Variants in NUBPL observed in about 807,000 individuals in gnomAD.
The protein encoded by NUBPL is NUBP iron-sulfur cluster assembly factor, mitochondrial.
Under a neutral mutation model 45.7 loss-of-function variants are expected in NUBPL, and 31 were observed. That is an observed-to-expected ratio of 0.68 (90% confidence interval 0.51 to 0.92). The LOEUF is 0.92. NUBPL is among the 40% of genes least tolerant of loss of function. The probability of loss-of-function intolerance (pLI) is 0.00; values close to 1 mark genes in which losing one functional copy is unlikely to be tolerated. For synonymous variants in NUBPL, 144 were observed against 140.9 expected (o/e 1.02, Z -0.15); for missense variants, 401 against 398.7 (o/e 1.01, Z -0.05).
chr14:31,687,129 G>T lies in NUBPL; in HGVS notation c.513+13555G>T, dbSNP rs183309458. Among the ~76,000 whole-genome samples the T allele has an allele frequency of 1.3e-4, 20 of 152,136 alleles. No homozygotes were observed. In the East Asian group the frequency reaches 3.9e-3, roughly 29 times the overall value. On this transcript the variant is annotated intron_variant, in intron 6 of 10. Transcript: ENST00000281081. ...CCCTGTTTCAAAAAAAAAATTCATT[G>T]TGTATCTCATATTCAGGCATAAATG... is the stretch of plus-strand genomic sequence containing the variant.
chr14:31,758,212 CA>C (rs1368633835), intron 6 of NUBPL, among the ~76,000 whole-genome samples: 1 of 152,122 alleles, frequency 6.6e-6, no homozygotes, highest in African/African-American at 2.4e-5. Context: ...TGCAGTACTT[CA>C]AACAAGTACT....
chr14:31,798,681 A>G (rs916679505), intron 7 of NUBPL, among the ~76,000 whole-genome samples: 41 of 147,668 alleles, frequency 2.8e-4, no homozygotes, highest in Middle Eastern at 3.6e-3. Flanking sequence ...AGTCCTGGCT[A>G]CTCGGGAGGC....
chr14:31,760,664 AG>A (rs1395098977), intron 6 of NUBPL, among the ~76,000 whole-genome samples: 2 of 151,968 alleles, frequency 1.3e-5, no homozygotes, highest in Non-Finnish European at 2.9e-5. Context: ...TCCCTTTTTC[AG>A]GCTGATTAGT....
At chr14:31,601,097 T>C (rs2034420579) in intron 4 of NUBPL, among the ~76,000 whole-genome samples, 1 of 152,248 alleles carries the variant, frequency 6.6e-6, no homozygotes, top group Non-Finnish European at 1.5e-5. Flanking sequence ...GGCTCTGTTC[T>C]GTTCCATTGA....
At chr14:31,668,540 C>T (rs181856178) in intron 4 of NUBPL, among the ~76,000 whole-genome samples, 1 of 152,286 alleles carries the variant, frequency 6.6e-6, no homozygotes, top group Non-Finnish European at 1.5e-5. Flanking sequence ...TCCCTGGGTT[C>T]AGCCCCTTTT....
chr14:31,746,689 G>A (rs2038406042), intron 6 of NUBPL, among the ~76,000 whole-genome samples: 1 of 151,910 alleles, frequency 6.6e-6, no homozygotes, highest in Non-Finnish European at 1.5e-5. Flanking sequence ...GAGTAGTGCT[G>A]ATACCAGACT....
chr14:31,598,676 G>T (rs2034346547), intron 3 of NUBPL, among the ~76,000 whole-genome samples: 1 of 152,194 alleles, frequency 6.6e-6, no homozygotes, highest in Non-Finnish European at 1.5e-5. Flanking sequence ...AGTTGTTTCT[G>T]AATCCTCTAG....
chr14:31,644,065 C>G (rs547279512), intron 4 of NUBPL, among the ~76,000 whole-genome samples: 5 of 151,640 alleles, frequency 3.3e-5, no homozygotes, highest in African/African-American at 1.2e-4. Context: ...AAAGATTTGT[C>G]AATTTTGCTT....
chr14:31,760,294 C>T (rs958769303), intron 6 of NUBPL, among the ~76,000 whole-genome samples: 1 of 151,814 alleles, frequency 6.6e-6, no homozygotes, highest in Non-Finnish European at 1.5e-5. Context: ...GCTGGGGCTA[C>T]AGGTGTGTAC....
At chr14:31,810,036 A>G (rs143777719) in intron 7 of NUBPL, among the ~76,000 whole-genome samples, 1 of 152,286 alleles carries the variant, frequency 6.6e-6, no homozygotes, top group African/African-American at 2.4e-5. Context: ...TTTACTTCCA[A>G]CTATGTGGTC....
At chr14:31,619,132 G>A (rs1335472690) in intron 4 of NUBPL, among the ~76,000 whole-genome samples, 1 of 152,036 alleles carries the variant, frequency 6.6e-6, no homozygotes, top group Non-Finnish European at 1.5e-5. Flanking sequence ...CTTTCCATTT[G>A]CTTGGTAAAT....
At chr14:31,708,451 T>G (rs1335307340) in intron 6 of NUBPL, among the ~76,000 whole-genome samples, 1 of 152,194 alleles carries the variant, frequency 6.6e-6, no homozygotes, top group Non-Finnish European at 1.5e-5. Flanking sequence ...TTCCCCATAT[T>G]CATGTAGATA....
chr14:31,565,122 T>A, intron 3 of NUBPL, 74 bp downstream of exon 3: 1 of 854,782 alleles, frequency 1.2e-6, no homozygotes, highest in Non-Finnish European at 1.9e-6. Flanking sequence ...TATTGGTGTT[T>A]TTTATTTACT....
intron 4 of NUBPL, among the ~76,000 whole-genome samples, chr14:31,626,252 G>C (rs956185145): frequency 6.6e-6 from 1 of 151,912 alleles, no homozygotes; most frequent in African/African-American, 2.4e-5. Context: ...CTGCCTCCTG[G>C]GTTCAAGCGA....
At chr14:31,689,322 G>C (rs760225748) in intron 6 of NUBPL, among the ~76,000 whole-genome samples, 3 of 151,970 alleles carry the variant, frequency 2.0e-5, no homozygotes, top group Non-Finnish European at 4.4e-5. Context: ...CCCCACCCTT[G>C]CCAGCATCAG....
chr14:31,723,508 A>T (rs201287056), intron 6 of NUBPL, among the ~76,000 whole-genome samples: 1 of 152,212 alleles, frequency 6.6e-6, no homozygotes, highest in South Asian at 2.1e-4. Context: ...TAAGACTGCC[A>T]TTGAATCTGT....
chr14:31,786,653 AC>A (rs1355728270), intron 6 of NUBPL, among the ~76,000 whole-genome samples: 2 of 152,210 alleles, frequency 1.3e-5, no homozygotes, highest in African/African-American at 4.8e-5. Flanking sequence ...TATTCAGTAA[AC>A]ATTTCTTGGG....
chr14:31,640,371 G>T (rs567044833), intron 4 of NUBPL, among the ~76,000 whole-genome samples: 1 of 152,240 alleles, frequency 6.6e-6, no homozygotes, highest in South Asian at 2.1e-4. Flanking sequence ...AGGCCAAGGT[G>T]GGTGGATCAC....
At chr14:31,594,176 G>C (rs546021465) in intron 3 of NUBPL, among the ~76,000 whole-genome samples, 4 of 152,154 alleles carry the variant, frequency 2.6e-5, no homozygotes, top group Non-Finnish European at 5.9e-5. Flanking sequence ...CCAGCACTTT[G>C]GGAGGTCGAG....
Sources: gnomAD v4.1 joint callset for allele counts (sites outside exome capture counted in the v4.1 genomes callset) on GRCh38, gnomAD v4.1.1 for gene constraint, MANE v1.5 for transcripts, NCBI Gene and HGNC (gene_info 2026-07-23, HGNC 2026-07-21) for gene names.